The following USP24 variants were observed in gnomAD, a reference collection of about 807,000 sequenced individuals.
USP24 encodes the protein ubiquitin specific peptidase 24.
Under a neutral mutation model 361.6 loss-of-function variants are expected in USP24, and 97 were observed. That is an observed-to-expected ratio of 0.27 (90% CI 0.23 to 0.32). The LOEUF (loss-of-function observed/expected upper bound fraction) is 0.32. Ranked by LOEUF, USP24 falls within the 10% of genes least tolerant of loss-of-function variation. The pLI, the probability that USP24 is intolerant of heterozygous loss-of-function variation, is 1.00. For missense variants in USP24, 2,353 were observed against 3,165.6 expected, an observed-to-expected ratio of 0.74 and a Z score of 6.16; for synonymous variants, 1,098 against 1,124.6, an observed-to-expected ratio of 0.98 and a Z score of 0.47.
Position 55,093,839 on chromosome 1 carries a change from T to C in USP24, c.6354+98A>G, listed in dbSNP as rs1570384734. 21 of 1,498,820 alleles carry C rather than the reference T, an allele frequency of 1.4e-5. No individual in the cohort carries two copies. In the East Asian group the frequency reaches 4.9e-4, roughly 35 times the overall value. The allele number at this position is 1,498,820 out of a possible 1,614,324, so 92.8% of individuals were successfully genotyped here. ...AGTGTGTAAGACGATGTAGCCCCAG[T>C]GGTACAACTAATCCAGCAGAAGTAC... On this transcript the variant is annotated intron_variant, in intron 52 of 67. Transcript: ENST00000294383.
chr1:55,096,479 T>C lies in USP24; in HGVS notation c.6061+19A>G. ...TAAATAAAAAAACTAATGGAAAATATCCATTTGTAAATACTTACTTTGATC... is the reference window on the plus strand; with the variant it reads ...TAAATAAAAAAACTAATGGAAAATACCCATTTGTAAATACTTACTTTGATC... On this transcript the variant is annotated intron_variant, in intron 50 of 67. Coordinates refer to ENST00000294383, the MANE Select transcript of USP24 (RefSeq NM_015306.3). 3 of 1,519,786 alleles carry C rather than the reference T, an allele frequency of 2.0e-6. No homozygotes were observed. The highest frequency in any genetic ancestry group is 2.6e-6 in the Non-Finnish European group (3 of 1,137,866). The allele number at this position is 1,519,786 out of a possible 1,614,324, so 94.1% of individuals were successfully genotyped here.
At chr1:55,209,379 T>C (rs1644795749) in intron 1 of USP24, among the ~76,000 whole-genome samples, 1 of 152,164 alleles carries the variant, frequency 6.6e-6, no homozygotes, top group South Asian at 2.1e-4. Context: ...AAAACACAGT[T>C]ATCCTCTCAG....
At chr1:55,090,017 T>C (rs1221270691) in intron 54 of USP24, among the ~76,000 whole-genome samples, 1 of 152,210 alleles carries the variant, frequency 6.6e-6, no homozygotes, top group African/African-American at 2.4e-5. Flanking sequence ...TCTTAGACTT[T>C]ACCTTCCTTC....
chr1:55,071,161 T>TA, intron 67 of USP24: 1 of 985,462 alleles, frequency 1.0e-6, no homozygotes, highest in Non-Finnish European at 1.2e-6. Context: ...AACATTCATT[T>TA]AATGGGGCCT....
chr1:55,075,689 G>A (rs542403288), intron 62 of USP24, among the ~76,000 whole-genome samples, 166 bp from the exon 63 acceptor site: 4 of 151,994 alleles, frequency 2.6e-5, no homozygotes, highest in East Asian at 1.9e-4. Context: ...AATACAGGAC[G>A]GGCATGGTGG....
intron 56 of USP24, among the ~76,000 whole-genome samples, chr1:55,085,149 C>T (rs1645225159): frequency 6.6e-6 from 1 of 152,156 alleles, no homozygotes; most frequent in East Asian, 1.9e-4. Flanking sequence ...CAGTAAACCT[C>T]AACTTCCTAA....
Position 55,068,919 on chromosome 1 carries a change from C to A in USP24, c.*126G>T. 9.7e-7 allele frequency: 1 copy of A among 1,035,078 alleles called. No homozygotes were observed. The highest frequency in any genetic ancestry group is 1.5e-6 in the Non-Finnish European group (1 of 685,916). The allele number at this position is 1,035,078 out of a possible 1,614,324, so 64.1% of individuals were successfully genotyped here. On this transcript the variant is annotated 3_prime_UTR_variant, in exon 68 of 68. Coordinates refer to ENST00000294383, the MANE Select transcript of USP24 (RefSeq NM_015306.3). ...CTTTCCTTGAGAAATACACGATCCG[C>A]CCAAGTCACAGCAGCTTTCCCAGTC...
chr1:55,072,025 G>A lies in USP24; in HGVS notation c.7690-101C>T, dbSNP rs529103243. On this transcript the variant is annotated intron_variant, in intron 66 of 67. Coordinates refer to ENST00000294383, the MANE Select transcript of USP24 (RefSeq NM_015306.3). ...CTTTCATCTGACCTTCAGTGGGACC[G>A]GAGGCCTGAGAGTGAGGCCTTCATC... is the stretch of plus-strand genomic sequence containing the variant. 181 of 1,071,118 alleles carry A rather than the reference G, an allele frequency of 1.7e-4. No homozygotes were observed. In the African/African-American group the frequency reaches 2.0e-3, roughly 12 times the overall value. 66.4% of individuals were successfully genotyped at this position (1,071,118 alleles called of 1,614,324 possible). A position where few individuals can be genotyped will look rare whatever the true frequency, so the allele number is the denominator to read the frequency against.
chr1:55,133,149 A>G (rs945308335), intron 30 of USP24, among the ~76,000 whole-genome samples: 2 of 152,240 alleles, frequency 1.3e-5, no homozygotes, highest in African/African-American at 4.8e-5. Context: ...GAGCTGATCT[A>G]AATTTCTACC....
intron 1 of USP24, among the ~76,000 whole-genome samples, chr1:55,198,609 C>T (rs1644480805): frequency 6.6e-6 from 1 of 152,218 alleles, no homozygotes; most frequent in Non-Finnish European, 1.5e-5. Flanking sequence ...TAAAACATCT[C>T]CATACATGTG....
intron 1 of USP24, among the ~76,000 whole-genome samples, chr1:55,179,436 T>G (rs771769339): frequency 6.6e-6 from 1 of 152,230 alleles, no homozygotes; most frequent in Non-Finnish European, 1.5e-5. Flanking sequence ...TGTAGATGAC[T>G]CATACATTTC....
At chr1:55,131,689 A>C (rs1646595902) in intron 31 of USP24, among the ~76,000 whole-genome samples, 1 of 152,202 alleles carries the variant, frequency 6.6e-6, no homozygotes, top group African/African-American at 2.4e-5. Flanking sequence ...ATATGCTCCC[A>C]ATCAGATTGT....
At chr1:55,166,966 A>G (rs1396296601) in intron 5 of USP24, among the ~76,000 whole-genome samples, 2 of 152,214 alleles carry the variant, frequency 1.3e-5, no homozygotes, top group African/African-American at 4.8e-5. Flanking sequence ...GTAAATCAGC[A>G]GAGATTAAAA....
intron 61 of USP24, among the ~76,000 whole-genome samples, chr1:55,078,158 G>A (rs1480569453): frequency 6.6e-6 from 1 of 152,146 alleles, no homozygotes; most frequent in Non-Finnish European, 1.5e-5. Flanking sequence ...ATACATAGTG[G>A]AAATTCATAT....
At chr1:55,101,479 T>C (rs1383145342) in intron 43 of USP24, 105 bp downstream of exon 43, 4 of 1,459,086 alleles carry the variant, frequency 2.7e-6, no homozygotes, top group Non-Finnish European at 1.8e-6. Context: ...TTGCAAGTTA[T>C]GTCTTGTTTT....
At chr1:55,133,239 T>C (rs1035262280) in intron 30 of USP24, among the ~76,000 whole-genome samples, 16 of 152,214 alleles carry the variant, frequency 1.1e-4, no homozygotes, top group African/African-American at 3.4e-4. Flanking sequence ...TAAACAATAT[T>C]ATAGATACGA....
Position 55,072,414 on chromosome 1 carries a change from A to G in USP24, c.7603-11T>C. On this transcript the variant is annotated splice_polypyrimidine_tract_variant and intron_variant, in intron 65 of 67. Coordinates refer to ENST00000294383, the MANE Select transcript of USP24 (RefSeq NM_015306.3). Reference sequence around the variant, plus strand: ...GTAATGTTCTGACATCTGAGATGAAAGGTCAAAAATGCCATCAGAGGTGAC... The same window carrying G: ...GTAATGTTCTGACATCTGAGATGAAGGGTCAAAAATGCCATCAGAGGTGAC... 6.2e-7 allele frequency: 1 copy of G among 1,609,436 alleles called. No homozygotes were observed. Among genetic ancestry groups the G allele is most frequent in the Non-Finnish European group, 8.5e-7 (1 of 1,177,590 alleles).
At chr1:55,167,405 C>A (rs528407792) in intron 5 of USP24, among the ~76,000 whole-genome samples, 5 of 152,206 alleles carry the variant, frequency 3.3e-5, no homozygotes, top group African/African-American at 1.2e-4. Context: ...AAAACTCTCC[C>A]AGCTGGGACA....
intron 54 of USP24, among the ~76,000 whole-genome samples, chr1:55,091,010 G>A (rs765410634): frequency 6.6e-6 from 1 of 152,136 alleles, no homozygotes; most frequent in Non-Finnish European, 1.5e-5. Flanking sequence ...CTTGAACCCG[G>A]GACACAGAGG....
Sources: gnomAD v4.1 joint callset for allele counts (sites outside exome capture counted in the v4.1 genomes callset) on GRCh38, gnomAD v4.1.1 for gene constraint, MANE v1.5 for transcripts, NCBI Gene and HGNC (gene_info 2026-07-23, HGNC 2026-07-21) for gene names.